PTER: variants seen among roughly 807,000 people sequenced by gnomAD.
PTER encodes the protein phosphotriesterase related, also known as N-acetyltaurine hydrolase.
Under a neutral mutation model 29.6 loss-of-function variants are expected in PTER, and 38 were observed. The ratio of observed to expected loss-of-function variants is 1.28; its 90% CI spans 0.99 to 1.68. The LOEUF is 1.68. PTER is among the 40% of genes most tolerant of loss of function. PTER has a pLI of 0.00. For synonymous variants in PTER, 172 were observed against 154.5 expected (o/e 1.11, Z -0.84); for missense variants, 482 against 427.8 (o/e 1.13, Z -1.12).
intron 3 of PTER, among the ~76,000 whole-genome samples, chr10:16,493,073 T>C (rs10904751): frequency 0.59 from 90,075 of 152,056 alleles, 28,617 homozygotes; most frequent in East Asian, 0.84. Flanking sequence ...ATACCAGACG[T>C]TGGGCTGTAG....
At chr10:16,460,115 T>C (rs1007369233) in intron 1 of PTER, among the ~76,000 whole-genome samples, 46 of 152,336 alleles carry the variant, frequency 3.0e-4, no homozygotes, top group Admixed American at 9.2e-4. Flanking sequence ...TACTAGAGTC[T>C]TATTTTTCTA....
chr10:16,484,677 A>G lies in PTER; in HGVS notation c.293A>G (p.Asn98Ser). ...AATGGTGGAGGGGCTTTGGTGGAAA[A>G]CACAACCACTGGGATTAGCCGAGAC... ...KANGGGALVE[N>S]TTTGISRDTQ... The change falls in exon 2 of 5, where the codon AAC becomes AGC. Residue 98 changes from asparagine to serine, a missense_variant. Asn to Ser is a conservative substitution (Grantham distance 46, BLOSUM62 1). Transcript: ENST00000535784. The G allele has an allele frequency of 6.2e-7, 1 of 1,614,146 alleles. No homozygotes were observed. The highest frequency in any genetic ancestry group is 8.5e-7 in the Non-Finnish European group (1 of 1,180,016).
In PTER at chr10:16,486,357, C is replaced by G; in HGVS notation, c.438C>G (p.Thr146=). The change falls in exon 3 of 5, where the codon ACC becomes ACG. Residue 146 remains threonine, a synonymous_variant. Transcript: ENST00000535784. ...ETRAMSVEQL[T]DVLMNEILHG... is the part of the protein sequence containing the mutation. ...TCCTTCTCACTCTTCCTTAGCTTAC[C>G]GATGTCCTTATGAATGAAATTCTCC... 1 of 1,612,686 alleles carries G rather than the reference C, an allele frequency of 6.2e-7. No homozygotes were observed. Among genetic ancestry groups the G allele is most frequent in the Non-Finnish European group, 8.5e-7 (1 of 1,178,950 alleles).
At chr10:16,459,539 A>G (rs531794760) in intron 1 of PTER, among the ~76,000 whole-genome samples, 3 of 152,258 alleles carry the variant, frequency 2.0e-5, no homozygotes, top group East Asian at 3.9e-4. Context: ...AACATTTAGG[A>G]ACTACAGGAC....
At chr10:16,503,622 T>G (rs1836448712) in intron 3 of PTER, among the ~76,000 whole-genome samples, 1 of 151,902 alleles carries the variant, frequency 6.6e-6, no homozygotes, top group Admixed American at 6.6e-5. Flanking sequence ...GCCAAGCTGG[T>G]CTTGAACTCC....
chr10:16,457,604 GT>G (rs980001942), intron 1 of PTER, among the ~76,000 whole-genome samples: 1 of 149,898 alleles, frequency 6.7e-6, no homozygotes, highest in African/African-American at 2.4e-5. Context: ...AAAGTACTTT[GT>G]TTTTGTTTTT....
At chr10:16,444,941 T>G (rs982040220) in intron 1 of PTER, among the ~76,000 whole-genome samples, 2 of 151,906 alleles carry the variant, frequency 1.3e-5, no homozygotes, top group African/African-American at 4.8e-5. Flanking sequence ...AAACTTGGGG[T>G]TTTGAATGGG....
At chr10:16,479,547 G>A (rs1460916234) in intron 1 of PTER, among the ~76,000 whole-genome samples, 1 of 152,046 alleles carries the variant, frequency 6.6e-6, no homozygotes, top group African/African-American at 2.4e-5. Flanking sequence ...AGTGTTAAGT[G>A]CAGTGTTTCT....
At chr10:16,516,532 T>G (rs1193416978), downstream of PTER, among the ~76,000 whole-genome samples, 1 of 152,208 alleles carries the variant, frequency 6.6e-6, no homozygotes, top group Non-Finnish European at 1.5e-5. Flanking sequence ...AATATACTCC[T>G]CAGCTATTAC....
rs548139431 is a variant in PTER at position 16,490,418 on chromosome 10, G to T, written c.698+3801G>T. The stretch of plus-strand genomic sequence containing the variant: ...TCAAGGGTGTTGCCTTCCATATAAA[G>T]GGAGTAGCCCTTTATATGTCTCCAG... On this transcript the variant is annotated intron_variant, in intron 3 of 4. Coordinates refer to ENST00000535784, the MANE Select transcript of PTER (RefSeq NM_001261836.2). Among the ~76,000 whole-genome samples, 10 of 152,104 alleles carry T rather than the reference G, an allele frequency of 6.6e-5. No individual in the cohort carries two copies. The East Asian group carries it at 1.7e-3, about 26-fold the overall frequency.
intron 1 of PTER, among the ~76,000 whole-genome samples, chr10:16,482,315 A>G (rs1489170901): frequency 6.6e-6 from 1 of 151,994 alleles, no homozygotes; most frequent in African/African-American, 2.4e-5. Context: ...TGTGTACTAT[A>G]CCCTTCACAA....
chr10:16,479,397 T>C (rs1588611772), intron 1 of PTER, among the ~76,000 whole-genome samples: 2 of 152,152 alleles, frequency 1.3e-5, no homozygotes, highest in African/African-American at 4.8e-5. Flanking sequence ...GGTGTCACCG[T>C]TGGTCAGTGT....
intron 1 of PTER, among the ~76,000 whole-genome samples, chr10:16,483,380 T>A (rs558355911): frequency 6.6e-6 from 1 of 152,308 alleles, no homozygotes; most frequent in East Asian, 1.9e-4. Flanking sequence ...TCGTTTCTTG[T>A]TGTTATTTCA....
intron 4 of PTER, among the ~76,000 whole-genome samples, chr10:16,506,139 G>A (rs937942912): frequency 7.9e-5 from 12 of 152,176 alleles, no homozygotes; most frequent in Non-Finnish European, 1.0e-4. Context: ...AATAAAGACT[G>A]AAAAGCATCC....
At chr10:16,504,937 C>T in intron 3 of PTER, 83 bp from the exon 4 acceptor site, 3 of 1,479,458 alleles carry the variant, frequency 2.0e-6, no homozygotes, top group Non-Finnish European at 2.8e-6. Context: ...TGTTCTTGTA[C>T]ATTGTGTGCT....
In PTER at chr10:16,511,144, A is replaced by G. The variant is rs866814080; in HGVS notation, c.938A>G (p.Tyr313Cys). The change falls in exon 5 of 5, where the codon TAT (tyrosine) becomes TGT (cysteine). Residue 313 changes from tyrosine to cysteine, a missense_variant. Transcript: ENST00000535784. ...TRLMKYGGHG[Y>C]SHILTNVVPK... ...CTGATGAAATATGGAGGTCACGGCTATTCTCATATACTCACCAATGTTGTT... is the reference window on the plus strand; with the variant it reads ...CTGATGAAATATGGAGGTCACGGCTGTTCTCATATACTCACCAATGTTGTT... 2.5e-6 allele frequency: 4 copies of G among 1,614,074 alleles called. No individual in the cohort carries two copies. The highest frequency in any genetic ancestry group is 4.5e-5 in the East Asian group (2 of 44,896).
intron 2 of PTER, among the ~76,000 whole-genome samples, chr10:16,485,987 A>C (rs978820541): frequency 2.6e-5 from 4 of 152,144 alleles, no homozygotes; most frequent in Non-Finnish European, 5.9e-5. Flanking sequence ...ACATAGATTC[A>C]ATTCATTGGC....
At chr10:16,492,890 T>C (rs113940119) in intron 3 of PTER, among the ~76,000 whole-genome samples, 2,871 of 152,348 alleles carry the variant, frequency 0.019, 89 homozygotes, top group African/African-American at 0.065. Context: ...TTTAGGGAAC[T>C]GGCCGACAGC....
chr10:16,505,137 T>A lies in PTER; in HGVS notation c.816T>A (p.Pro272=). The A allele has an allele frequency of 6.2e-7, 1 of 1,613,972 alleles. No homozygotes were observed. Among genetic ancestry groups the A allele is most frequent in the East Asian group, 2.2e-5 (1 of 44,872 alleles). The change falls in exon 4 of 5, where the codon CCT becomes CCA. Residue 272 remains proline, a synonymous_variant. Transcript: ENST00000535784. ...HYQLGPDIDM[P]DDNKRIRRVR... ...AACTCGGCCCAGATATTGACATGCC[T>A]GATGATAACAAAAGAATTAGAAGGT...
Sources: allele counts gnomAD v4.1 joint callset (sites outside exome capture counted in the v4.1 genomes callset), GRCh38; gene constraint gnomAD v4.1.1; transcripts MANE v1.5; gene names NCBI Gene and HGNC (gene_info 2026-07-23, HGNC 2026-07-21).